The following AHI1 variants were observed in gnomAD, a reference collection of about 807,000 sequenced individuals.
The protein encoded by AHI1 is jouberin.
AHI1 carries 123 observed loss-of-function variants against 149.3 expected under a neutral mutation model. The observed-to-expected ratio is 0.82, with a 90% CI of 0.71 to 0.96. The LOEUF is 0.96. Among genes scored for constraint, AHI1 ranks in the 40% least tolerant of loss-of-function variants. The pLI is 0.00. For synonymous variants in AHI1, 475 were observed against 459.8 expected (o/e 1.03, Z -0.42); for missense variants, 1,439 against 1,422.7 (o/e 1.01, Z -0.18).
intron 22 of AHI1, among the ~76,000 whole-genome samples, chr6:135,399,044 C>T (rs772760122): frequency 5.9e-5 from 9 of 152,016 alleles, no homozygotes; most frequent in African/African-American, 9.7e-5. Flanking sequence ...ATTAGCTGGG[C>T]GTGGCAGTGC....
chr6:135,433,102 CTCTCA>C lies in AHI1; in HGVS notation c.2186_2190del (p.Met729ArgfsTer11), dbSNP rs1736050138. Reference sequence around the variant, plus strand: ...TGTCGGACCAATATGGCAGAATCTTCTCTCATCTCAACTTTCCATATCCGTATCAT... The same window carrying C: ...TGTCGGACCAATATGGCAGAATCTTCTCTCAACTTTCCATATCCGTATCAT... On this transcript the variant is annotated frameshift_variant, in exon 16 of 29. Transcript: ENST00000265602. LOFTEE classifies it high-confidence loss of function. 1 of 1,613,616 alleles carries C rather than the reference CTCTCA, an allele frequency of 6.2e-7. No homozygotes were observed. The highest frequency in any genetic ancestry group is 8.5e-7 in the Non-Finnish European group (1 of 1,179,732).
intron 20 of AHI1, among the ~76,000 whole-genome samples, chr6:135,421,316 CAT>C (rs763953157): frequency 8.8e-4 from 134 of 152,268 alleles, no homozygotes; most frequent in Non-Finnish European, 1.5e-3. Context: ...ACTGGCTTAA[CAT>C]AGAATTGCCA....
intron 24 of AHI1, among the ~76,000 whole-genome samples, chr6:135,330,682 A>G (rs777063529): frequency 2.0e-5 from 3 of 152,208 alleles, no homozygotes; most frequent in Non-Finnish European, 4.4e-5. Context: ...ACATGCTACC[A>G]TCTGTCCACA....
At chr6:135,437,546 T>C (rs1320241836) in intron 15 of AHI1, among the ~76,000 whole-genome samples, 1 of 152,250 alleles carries the variant, frequency 6.6e-6, no homozygotes, top group Non-Finnish European at 1.5e-5. Flanking sequence ...AGATATTTTA[T>C]ACAGAAAAGG....
chr6:135,375,090 A>G (rs1169349199), intron 23 of AHI1, among the ~76,000 whole-genome samples: 1 of 152,358 alleles, frequency 6.6e-6, no homozygotes, highest in South Asian at 2.1e-4. Context: ...TTACTGGGCT[A>G]TAACTCTATT....
intron 26 of AHI1, among the ~76,000 whole-genome samples, chr6:135,307,889 G>T (rs1784702684): frequency 6.6e-6 from 1 of 152,084 alleles, no homozygotes; most frequent in Admixed American, 6.6e-5. Context: ...GCATCTAGTG[G>T]ACAGAGGCCA....
At chr6:135,398,831 G>A (rs1000976506) in intron 22 of AHI1, among the ~76,000 whole-genome samples, 3 of 152,106 alleles carry the variant, frequency 2.0e-5, no homozygotes, top group African/African-American at 7.2e-5. Context: ...AGGAAGAGGA[G>A]CATTCTGTTC....
At chr6:135,290,572 G>C (rs768115144) in intron 27 of AHI1, 47 bp from the exon 28 acceptor site, 2 of 1,602,796 alleles carry the variant, frequency 1.2e-6, no homozygotes, top group Non-Finnish European at 1.7e-6. Context: ...AAAGAGAGCT[G>C]AGCTAAAAGC....
intron 24 of AHI1, among the ~76,000 whole-genome samples, chr6:135,331,361 G>C (rs1215840093): frequency 6.6e-6 from 1 of 152,112 alleles, no homozygotes; most frequent in East Asian, 1.9e-4. Context: ...GGGGTTGCTT[G>C]GTCATAATCA....
intron 13 of AHI1, among the ~76,000 whole-genome samples, chr6:135,443,348 G>A (rs938189382): frequency 6.6e-6 from 1 of 152,120 alleles, no homozygotes; most frequent in African/African-American, 2.4e-5. Context: ...TACCAGTTAC[G>A]TTTATTTATC....
At chr6:135,431,697 A>C (rs1349879520) in intron 16 of AHI1, among the ~76,000 whole-genome samples, 2 of 152,138 alleles carry the variant, frequency 1.3e-5, no homozygotes, top group African/African-American at 4.8e-5. Context: ...TTGGATTCCT[A>C]GAAAAATACC....
chr6:135,398,453 A>T (rs527697491), intron 22 of AHI1, among the ~76,000 whole-genome samples: 10 of 152,312 alleles, frequency 6.6e-5, no homozygotes, highest in African/African-American at 2.4e-4. Flanking sequence ...TACATTAGCT[A>T]AAACCAGTAT....
chr6:135,311,452 C>G (rs1475497674), intron 26 of AHI1, among the ~76,000 whole-genome samples: 1 of 151,654 alleles, frequency 6.6e-6, no homozygotes, highest in Non-Finnish European at 1.5e-5. Flanking sequence ...ATGTAAGAAA[C>G]AGAATGAGCA....
intron 25 of AHI1, among the ~76,000 whole-genome samples, chr6:135,319,817 T>A (rs1786531838): frequency 6.6e-6 from 1 of 152,162 alleles, no homozygotes; most frequent in South Asian, 2.1e-4. Context: ...ATTTTGAGGG[T>A]GTTAGATGTG....
chr6:135,303,975 T>C (rs1784227864), intron 26 of AHI1, among the ~76,000 whole-genome samples: 1 of 152,232 alleles, frequency 6.6e-6, no homozygotes, highest in African/African-American at 2.4e-5. Context: ...GGATTTTAAA[T>C]ATTCACATAA....
At chr6:135,400,788 A>G (rs1779916370) in intron 22 of AHI1, among the ~76,000 whole-genome samples, 1 of 152,222 alleles carries the variant, frequency 6.6e-6, no homozygotes, top group African/African-American at 2.4e-5. Flanking sequence ...TGTGAGATGA[A>G]TACATAATTG....
intron 21 of AHI1, among the ~76,000 whole-genome samples, chr6:135,409,572 T>G (rs1419072486): frequency 6.6e-6 from 1 of 152,176 alleles, no homozygotes. Flanking sequence ...CTTTCCCCAC[T>G]GATTTATCTT....
At chr6:135,309,669 C>T (rs866866702) in intron 26 of AHI1, among the ~76,000 whole-genome samples, 1 of 151,850 alleles carries the variant, frequency 6.6e-6, no homozygotes, top group Non-Finnish European at 1.5e-5. Context: ...TTAGTAGAAA[C>T]GGGGGTTTCT....
chr6:135,357,469 G>C (rs1793172968), intron 24 of AHI1, among the ~76,000 whole-genome samples: 1 of 152,164 alleles, frequency 6.6e-6, no homozygotes, highest in African/African-American at 2.4e-5. Flanking sequence ...AAGCATTTTG[G>C]ATAAGGGATA....
Sources: allele counts gnomAD v4.1 joint callset (sites outside exome capture counted in the v4.1 genomes callset), GRCh38; gene constraint gnomAD v4.1.1; transcripts MANE v1.5; gene names NCBI Gene and HGNC (gene_info 2026-07-23, HGNC 2026-07-21).